PPIE: variants seen among roughly 807,000 people sequenced by gnomAD.
PPIE encodes the protein peptidyl-prolyl cis-trans isomerase E.
Under a neutral mutation model 38.4 loss-of-function variants are expected in PPIE, and 20 were observed. The observed-to-expected ratio is 0.52, with a 90% confidence interval of 0.37 to 0.76. PPIE has a LOEUF of 0.76. Ranked by LOEUF, PPIE falls within the 30% of genes least tolerant of loss-of-function variation. PPIE has a pLI of 0.00. For synonymous variants in PPIE, 142 were observed against 135.7 expected, an observed-to-expected ratio of 1.05 and a Z score of -0.32; for missense variants, 322 against 385.8, an observed-to-expected ratio of 0.83 and a Z score of 1.39.
chr1:39,742,028 G>A, intron 4 of PPIE, 107 bp downstream of exon 4: 2 of 1,220,486 alleles, frequency 1.6e-6, no homozygotes, highest in African/African-American at 1.5e-5. Flanking sequence ...GGTTGCATGG[G>A]GAGGTAAAAA....
At chr1:39,752,658 G>A (rs1406463551) in intron 8 of PPIE, among the ~76,000 whole-genome samples, 4 of 152,228 alleles carry the variant, frequency 2.6e-5, no homozygotes. Context: ...GGACCTGGTT[G>A]TCAAGTAGAC....
rs1224965899 is a variant in PPIE, at chr1:39,755,638, A to G, written c.*2283A>G. The stretch of plus-strand genomic sequence containing the variant: ...GAGAGTGTGTAGAAAAAGCACAGCC[A>G]GCCTCCCATAAAAGGACAGACTCCT... On this transcript the variant is annotated 3_prime_UTR_variant, in exon 10 of 10. Transcript: ENST00000324379. The G allele has an allele frequency of 1.0e-6, 1 of 985,400 alleles. No individual in the cohort carries two copies. The highest frequency in any genetic ancestry group is 1.7e-5 in the African/African-American group (1 of 57,338). 61.0% of individuals were successfully genotyped at this position (985,400 alleles called of 1,614,324 possible).
chr1:39,739,988 C>T (rs1317427037), intron 1 of PPIE, 177 bp from the exon 2 acceptor site: 3 of 555,882 alleles, frequency 5.4e-6, no homozygotes, highest in African/African-American at 1.9e-5. Context: ...GAAAGAAGGG[C>T]GAAGAGAGGA....
At chr1:39,763,705 C>G (rs1649360318) in exon 10 of PPIE, 1 of 1,597,596 alleles carries the variant, frequency 6.3e-7, no homozygotes, top group Non-Finnish European at 8.5e-7. Context: ...GAAGAGTCAG[C>G]AATTACCAGC....
At chr1:39,738,977 C>G in intron 1 of PPIE, 46 bp downstream of exon 1, 2 of 1,412,714 alleles carry the variant, frequency 1.4e-6, no homozygotes, top group Non-Finnish European at 9.3e-7. Context: ...AACGCGACCC[C>G]CAAGGGTCGG....
chr1:39,760,559 T>A, downstream of PPIE: 1 of 1,613,760 alleles, frequency 6.2e-7, no homozygotes, highest in Non-Finnish European at 8.5e-7. Context: ...TCTGGCATCA[T>A]CAGGTGCACC....
intron 4 of PPIE, 135 bp downstream of exon 4, chr1:39,742,056 T>C: frequency 2.4e-6 from 2 of 834,446 alleles, no homozygotes; most frequent in Non-Finnish European, 3.9e-6. Context: ...ATGAAAATAT[T>C]CACTGTGAAT....
Position 39,755,863 on chromosome 1 carries a change from A to C in PPIE, c.*2508A>C, listed in dbSNP as rs1179508466. ...GAGGCTTTATTGGCGTGACTGCCAAAGGTCACACAGGGTGGTTTGGCAGAG... is the reference window on the plus strand; with the variant it reads ...GAGGCTTTATTGGCGTGACTGCCAACGGTCACACAGGGTGGTTTGGCAGAG... On this transcript the variant is annotated 3_prime_UTR_variant, in exon 10 of 10. Coordinates refer to ENST00000324379, the MANE Select transcript of PPIE (RefSeq NM_006112.4). 1.0e-6 allele frequency: 1 copy of C among 985,290 alleles called. No individual in the cohort carries two copies. The highest frequency in any genetic ancestry group is 1.2e-6 in the Non-Finnish European group (1 of 829,910). 61.0% of individuals were successfully genotyped at this position (985,290 alleles called of 1,614,324 possible). A position where few individuals can be genotyped will look rare whatever the true frequency, so the allele number is the denominator to read the frequency against.
chr1:39,755,601 C>A lies in PPIE; in HGVS notation c.*2246C>A, dbSNP rs957915880. On this transcript the variant is annotated 3_prime_UTR_variant, in exon 10 of 10. Coordinates refer to ENST00000324379, the MANE Select transcript of PPIE (RefSeq NM_006112.4). Reference sequence around the variant, plus strand: ...GATAGCACTGACTTCAGTGCTTGGACGAGAACCAGGAGAGAGTGTGTAGAA... The same window carrying A: ...GATAGCACTGACTTCAGTGCTTGGAAGAGAACCAGGAGAGAGTGTGTAGAA... 1.0e-6 allele frequency: 1 copy of A among 985,264 alleles called. No individual in the cohort carries two copies. Among genetic ancestry groups the A allele is most frequent in the Non-Finnish European group, 1.2e-6 (1 of 829,928 alleles). The allele number at this position is 985,264 out of a possible 1,614,324, so 61.0% of individuals were successfully genotyped here. A position where few individuals can be genotyped will look rare whatever the true frequency, so the allele number is the denominator to read the frequency against.
intron 8 of PPIE, among the ~76,000 whole-genome samples, 172 bp from the exon 9 acceptor site, chr1:39,752,738 C>G (rs1320858071): frequency 6.6e-6 from 1 of 152,258 alleles, no homozygotes; most frequent in East Asian, 1.9e-4. Context: ...ACCTCACTTA[C>G]CATTTCACTG....
intron 3 of PPIE, 76 bp from the exon 4 acceptor site, chr1:39,741,819 A>C: frequency 6.5e-7 from 1 of 1,538,100 alleles, no homozygotes; most frequent in Non-Finnish European, 8.9e-7. Flanking sequence ...GATTTTTGCT[A>C]CTGAGCATGT....
In PPIE at chr1:39,755,864, G is replaced by C. The variant is rs533020994; in HGVS notation, c.*2509G>C. On this transcript the variant is annotated 3_prime_UTR_variant, in exon 10 of 10. Coordinates refer to ENST00000324379, the MANE Select transcript of PPIE (RefSeq NM_006112.4). ...AGGCTTTATTGGCGTGACTGCCAAA[G>C]GTCACACAGGGTGGTTTGGCAGAGC... 1.1e-5 allele frequency: 11 copies of C among 985,368 alleles called. No individual in the cohort carries two copies. In the Admixed American group the frequency reaches 3.1e-4, roughly 27 times the overall value. The allele number at this position is 985,368 out of a possible 1,614,324, so 61.0% of individuals were successfully genotyped here.
chr1:39,738,937 C>A lies in PPIE; in HGVS notation c.31+6C>A. 1 of 1,477,524 alleles carries A rather than the reference C, an allele frequency of 6.8e-7. No individual in the cohort carries two copies. Among genetic ancestry groups the A allele is most frequent in the South Asian group, 1.4e-5 (1 of 71,402 alleles). The allele number at this position is 1,477,524 out of a possible 1,614,324, so 91.5% of individuals were successfully genotyped here. A position where few individuals can be genotyped will look rare whatever the true frequency, so the allele number is the denominator to read the frequency against. ...CAAGCGCGTCTTGTACGTGGGTGAG[C>A]AGGAGGGGTTGCTAGGCGGAGTCTG... On this transcript the variant is annotated splice_donor_region_variant and intron_variant, in intron 1 of 9. Transcript: ENST00000324379.
At chr1:39,740,361 G>A (rs1279956791) in intron 2 of PPIE, 98 bp downstream of exon 2, 2 of 942,108 alleles carry the variant, frequency 2.1e-6, no homozygotes, top group East Asian at 5.3e-5. Flanking sequence ...TCTAAATATG[G>A]TTAGTATACA....
In PPIE at chr1:39,745,373, AG is replaced by A; in HGVS notation, c.386del. 6.2e-7 allele frequency: 1 copy of A among 1,614,184 alleles called. No individual in the cohort carries two copies. The highest frequency in any genetic ancestry group is 8.5e-7 in the Non-Finnish European group (1 of 1,180,036). ...CTAACTAGCAATTTCTTCTGCACCT[AG>A]GGAGAGCCCATTGCTAAAAAGGCCC... On this transcript the variant is annotated splice_acceptor_variant, in intron 6 of 9. Coordinates refer to ENST00000324379, the MANE Select transcript of PPIE (RefSeq NM_006112.4). LOFTEE classifies it high-confidence loss of function.
chr1:39,754,931 C>T lies in PPIE; in HGVS notation c.*1576C>T, dbSNP rs1569719646. On this transcript the variant is annotated 3_prime_UTR_variant, in exon 10 of 10. Coordinates refer to ENST00000324379, the MANE Select transcript of PPIE (RefSeq NM_006112.4). ...TAAAAACTGGATACCATGGCCTAGC[C>T]AAATTGACACACAAAATAGACCATC... is the stretch of plus-strand genomic sequence containing the variant. 1.1e-6 allele frequency: 1 copy of T among 870,396 alleles called. No homozygotes were observed. Among genetic ancestry groups the T allele is most frequent in the Middle Eastern group, 6.0e-4 (1 of 1,678 alleles). The allele number at this position is 870,396 out of a possible 1,614,324, so 53.9% of individuals were successfully genotyped here. A position where few individuals can be genotyped will look rare whatever the true frequency, so the allele number is the denominator to read the frequency against.
chr1:39,760,630 C>G, downstream of PPIE: 1 of 1,553,080 alleles, frequency 6.4e-7, no homozygotes, highest in Non-Finnish European at 8.7e-7. Flanking sequence ...AGGACCCACC[C>G]AGCCCCACCC....
At chr1:39,753,251 C>T (rs1569710811) in intron 9 of PPIE, 36 bp from the exon 10 acceptor site, 1 of 1,611,736 alleles carries the variant, frequency 6.2e-7, no homozygotes, top group Non-Finnish European at 8.5e-7. Flanking sequence ...CTGTTAGTCT[C>T]CGGCCTTACT....
rs189367054 is a variant in PPIE, at chr1:39,752,822, G to A, written c.695-88G>A. The A allele has an allele frequency of 2.3e-4, 345 of 1,500,764 alleles. No individual in the cohort carries two copies. In the East Asian group the frequency reaches 3.7e-3, roughly 16 times the overall value. The allele number at this position is 1,500,764 out of a possible 1,614,324, so 93.0% of individuals were successfully genotyped here. A position where few individuals can be genotyped will look rare whatever the true frequency, so the allele number is the denominator to read the frequency against. ...TGCATCCCCGAGTCTGAGCCTGACT[G>A]GCTGAAGGGCTGTCAACAGCCTGCA... On this transcript the variant is annotated intron_variant, in intron 8 of 9. Transcript: ENST00000324379.
Sources: allele counts gnomAD v4.1 joint callset (sites outside exome capture counted in the v4.1 genomes callset), GRCh38; gene constraint gnomAD v4.1.1; transcripts MANE v1.5; gene names NCBI Gene and HGNC (gene_info 2026-07-23, HGNC 2026-07-21).